NEB: variants seen among roughly 807,000 people sequenced by gnomAD.
The protein encoded by NEB is nebulin.
Under a neutral mutation model 952.2 loss-of-function variants are expected in NEB, and 512 were observed. The ratio of observed to expected loss-of-function variants is 0.54; its 90% CI spans 0.50 to 0.58. The LOEUF is 0.58. NEB is among the 20% of genes least tolerant of loss of function. The pLI is 0.00. For synonymous variants in NEB, 2,900 were observed against 3,149.8 expected, an observed-to-expected ratio of 0.92 and a Z score of 2.66; for missense variants, 8,428 against 9,231.1, an observed-to-expected ratio of 0.91 and a Z score of 3.56.
Position 151,697,355 on chromosome 2 carries a change from T to G in NEB, c.1360A>C (p.Ser454Arg). The change falls in exon 15 of 182, where the codon AGT becomes CGT. Residue 454 changes from serine to arginine, a missense_variant. Ser to Arg is a moderately radical substitution (Grantham distance 110). This residue lies in a region of NEB where 2,851 missense variants were observed against 2,791.5 expected (regional missense o/e 1.02). Transcript: ENST00000397345. ...ACAATTGTCTTAGAACTTACATCACTGTTTTGAGCTGTGACTTTCATGCAG... is the reference window on the plus strand; with the variant it reads ...ACAATTGTCTTAGAACTTACATCACGGTTTTGAGCTGTGACTTTCATGCAG... ...SHCMKVTAQNSDKNYKAEYEE... is the reference protein window; with the variant it reads ...SHCMKVTAQNRDKNYKAEYEE... 6.2e-7 allele frequency: 1 copy of G among 1,613,636 alleles called. No homozygotes were observed. The highest frequency in any genetic ancestry group is 2.2e-5 in the East Asian group (1 of 44,876).
chr2:151,606,558 C>A (rs748741696), intron 84 of NEB, 48 bp downstream of exon 84: 2 of 617,188 alleles, frequency 3.2e-6, no homozygotes, highest in African/African-American at 1.6e-5. Context: ...AGTCTCCCTG[C>A]TCGTTTTGTA....
rs558980498 is a variant in NEB at position 151,651,691 on chromosome 2, C to A, written c.6916-806G>T. 3.9e-5 allele frequency among the ~76,000 whole-genome samples: 6 copies of A among 152,180 alleles called. No homozygotes were observed. The South Asian group carries it at 1.2e-3, about 32-fold the overall frequency. On this transcript the variant is annotated intron_variant, in intron 52 of 181. Transcript: ENST00000397345. ...TCACATTAGTACTAGATGACAATAA[C>A]AACAGTGATAATAATGAGTATACTA...
chr2:151,640,123 G>T, intron 61 of NEB, 63 bp from the exon 62 acceptor site: 2 of 1,552,456 alleles, frequency 1.3e-6, no homozygotes, highest in Non-Finnish European at 1.8e-6. Flanking sequence ...TCATCTGAAG[G>T]ATAAGAGATC....
In NEB at chr2:151,568,274, C is replaced by T. The variant is rs370086704; in HGVS notation, c.17736+42G>A. The stretch of plus-strand genomic sequence containing the variant: ...TATCCTACAGTTCCATTAAGGCCCT[C>T]CACTCGTACACAAACACCAGGCATG... On this transcript the variant is annotated intron_variant, in intron 112 of 181. Coordinates refer to ENST00000397345, the MANE Select transcript of NEB (RefSeq NM_001164508.2). The T allele has an allele frequency of 5.9e-4, 945 of 1,599,032 alleles. 2 individuals carry two copies. The highest frequency in any genetic ancestry group is 1.6e-3 in the South Asian group (146 of 90,720).
Position 151,561,039 on chromosome 2 carries a change from C to T in NEB, c.19171G>A (p.Asp6391Asn), listed in dbSNP as rs1312459100. 6.2e-7 allele frequency: 1 copy of T among 1,609,800 alleles called. No individual in the cohort carries two copies. The highest frequency in any genetic ancestry group is 1.7e-5 in the Admixed American group (1 of 59,646). Residue 6391 changes from aspartate (D) to asparagine (N), a missense_variant, in exon 123 of 182, where the codon GAC becomes AAC. Transcript: ENST00000397345. The part of the protein sequence containing the change: ...YTTVLETVDY[D>N]RTRNLKNLYS... The stretch of plus-strand genomic sequence containing the variant: ...AGATTCTTCAGGTTTCTGGTTCTGT[C>T]ATAATCCACTGTTTCTAGAACTGTT...
intron 181 of NEB, chr2:151,486,536 A>G (rs1487420216): frequency 6.6e-6 from 1 of 152,428 alleles, no homozygotes; most frequent in Non-Finnish European, 1.5e-5. Flanking sequence ...AGGTCTGCAC[A>G]ATAATTTGTA....
At chr2:151,720,814 C>T (rs553492759) in intron 9 of NEB, among the ~76,000 whole-genome samples, 13 of 152,194 alleles carry the variant, frequency 8.5e-5, no homozygotes, top group Non-Finnish European at 1.8e-4. Flanking sequence ...CTTGGCCATG[C>T]ACTCTTCTGC....
intron 177 of NEB, 41 bp downstream of exon 177, chr2:151,492,346 C>T (rs1335904970): frequency 6.3e-7 from 1 of 1,589,668 alleles, no homozygotes; most frequent in African/African-American, 1.3e-5. Flanking sequence ...TTTACACATT[C>T]TGACAGGCAG....
At position 151,606,671 on chromosome 2, in the gene NEB, A is replaced by T. The variant is rs1329547959; in HGVS notation, c.12682T>A (p.Tyr4228Asn). 9 of 947,518 alleles carry T rather than the reference A, an allele frequency of 9.5e-6. 2 individuals are homozygous for T. The South Asian group carries it at 1.0e-4, about 11-fold the overall frequency. The allele number at this position is 947,518 out of a possible 1,614,324, so 58.7% of individuals were successfully genotyped here. ...TCAATGGCATCTGCCCTTATGTCAT[A>T]GCCTTTCTGCTTGGCGTCATTCCAG... The part of the protein sequence containing the change: ...KDWNDAKQKG[Y>N]DIRADAIEIK... The change falls in exon 84 of 182, where the codon TAT becomes AAT. Residue 4228 changes from tyrosine (Y) to asparagine (N), a missense_variant. This residue lies in a region of NEB where 14 missense variants were observed against 46.4 expected (regional missense o/e 0.30). Transcript: ENST00000397345.
At chr2:151,636,899 A>T (rs556542697) in intron 63 of NEB, among the ~76,000 whole-genome samples, 2 of 152,378 alleles carry the variant, frequency 1.3e-5, no homozygotes, top group South Asian at 2.1e-4. Flanking sequence ...GTTTTAAAAA[A>T]TTTTAGTTAA....
At chr2:151,510,045 A>C (rs1384442976) in intron 161 of NEB, among the ~76,000 whole-genome samples, 1 of 152,248 alleles carries the variant, frequency 6.6e-6, no homozygotes, top group Non-Finnish European at 1.5e-5. Context: ...ATCTAAAGAC[A>C]TAAGTGATTA....
In NEB at chr2:151,547,669, G is replaced by A. The variant is rs762552898; in HGVS notation, c.20227C>T (p.Arg6743Cys). 88 of 1,613,634 alleles carry A rather than the reference G, an allele frequency of 5.5e-5. No individual in the cohort carries two copies. Among genetic ancestry groups the A allele is most frequent in the Admixed American group, 1.0e-4 (6 of 59,996 alleles). The change falls in exon 132 of 182, where the codon CGC (arginine) becomes TGC (cysteine). Residue 6743 changes from arginine to cysteine, a missense_variant. This residue lies in a region of NEB where 3,374 missense variants were observed against 3,651.5 expected (regional missense o/e 0.92). Transcript: ENST00000397345. ...GCCTCTTGTGTCTTCTTGACTTGGC[G>A]GATCTCAGGGGTATCGGGAGTTGTA... ...IHTTPDTPEI[R>C]QVKKTQEAVS...
At chr2:151,534,522 A>C (rs113267675) in intron 142 of NEB, among the ~76,000 whole-genome samples, 2 of 152,350 alleles carry the variant, frequency 1.3e-5, no homozygotes, top group African/African-American at 4.8e-5. Context: ...GGGATAGGTC[A>C]GATTTATGAC....
intron 171 of NEB, chr2:151,497,341 G>T: frequency 9.2e-6 from 9 of 982,084 alleles, no homozygotes; most frequent in Non-Finnish European, 1.1e-5. Flanking sequence ...GAGGATTTGA[G>T]ACAGTTAGAA....
At chr2:151,671,348 ACTGT>A in intron 37 of NEB, 119 bp from the exon 38 acceptor site, 1 of 788,086 alleles carries the variant, frequency 1.3e-6, no homozygotes, top group Non-Finnish European at 2.0e-6. Context: ...CTCATGTCTG[ACTGT>A]CTGTCACAGA....
chr2:151,507,408 C>T (rs1257520735), intron 162 of NEB, among the ~76,000 whole-genome samples: 1 of 152,178 alleles, frequency 6.6e-6, no homozygotes, highest in Non-Finnish European at 1.5e-5. Flanking sequence ...TTTTTCTGGC[C>T]TTCTCTGTTT....
At chr2:151,694,207 G>T in intron 20 of NEB, 116 bp downstream of exon 20, 1 of 899,586 alleles carries the variant, frequency 1.1e-6, no homozygotes, top group Non-Finnish European at 1.8e-6. Flanking sequence ...GCTTTCATGT[G>T]TGATTTGTCA....
In NEB at chr2:151,685,109, G is replaced by A. The variant is rs1025219416; in HGVS notation, c.2638-134C>T. ...CTGAGTAGTTATTTTGCCCAAAAATGTGTTCATATGTTACATACCATTGAA... is the reference window on the plus strand; with the variant it reads ...CTGAGTAGTTATTTTGCCCAAAAATATGTTCATATGTTACATACCATTGAA... On this transcript the variant is annotated intron_variant, in intron 27 of 181. Transcript: ENST00000397345. 9 of 901,416 alleles carry A rather than the reference G, an allele frequency of 1.0e-5. No individual in the cohort carries two copies. The Admixed American group carries it at 1.2e-4, about 12-fold the overall frequency. The allele number at this position is 901,416 out of a possible 1,614,324, so 55.8% of individuals were successfully genotyped here. A position where few individuals can be genotyped will look rare whatever the true frequency, so the allele number is the denominator to read the frequency against.
chr2:151,494,266 A>G lies in NEB; in HGVS notation c.24487-13T>C, dbSNP rs2058626028. The G allele has an allele frequency of 6.4e-6, 10 of 1,554,686 alleles. No individual in the cohort carries two copies. Among genetic ancestry groups the G allele is most frequent in the Middle Eastern group, 3.3e-4 (2 of 5,984 alleles). On this transcript the variant is annotated splice_polypyrimidine_tract_variant and intron_variant, in intron 173 of 181. Coordinates refer to ENST00000397345, the MANE Select transcript of NEB (RefSeq NM_001164508.2). ...CTTTGTACAAAACCTATGGGAATCCAATGGGTCCAAAAAGCCAAAAAGAAA... is the reference window on the plus strand; with the variant it reads ...CTTTGTACAAAACCTATGGGAATCCGATGGGTCCAAAAAGCCAAAAAGAAA...
Sources: gnomAD v4.1 joint callset for allele counts (sites outside exome capture counted in the v4.1 genomes callset) on GRCh38, gnomAD v4.1.1 for gene constraint, gnomAD v4.1.1 regional missense constraint, MANE v1.5 for transcripts, NCBI Gene and HGNC (gene_info 2026-07-23, HGNC 2026-07-21) for gene names.